PRTG: variants seen among roughly 807,000 people sequenced by gnomAD.
PRTG encodes protogenin, also known as immunoglobulin superfamily, DCC subclass, member 5.
A neutral mutation model predicts 122.5 loss-of-function variants in PRTG; 67 were observed. The ratio of observed to expected loss-of-function variants is 0.55; its 90% confidence interval spans 0.45 to 0.67. The LOEUF is 0.67. Among genes scored for constraint, PRTG ranks in the 30% least tolerant of loss-of-function variants. PRTG has a pLI of 0.00. For missense variants in PRTG, 1,435 were observed against 1,415.4 expected (o/e 1.01, Z -0.22); for synonymous variants, 554 against 501.1 (o/e 1.11, Z -1.41).
At chr15:55,630,118 C>T (rs57488285) in intron 15 of PRTG, among the ~76,000 whole-genome samples, 1 of 151,922 alleles carries the variant, frequency 6.6e-6, no homozygotes, top group Non-Finnish European at 1.5e-5. Flanking sequence ...TCCTGAGTAG[C>T]TGGGACTATA....
intron 2 of PRTG, among the ~76,000 whole-genome samples, chr15:55,691,623 G>GT (rs925956835): frequency 6.6e-6 from 1 of 151,482 alleles, no homozygotes; most frequent in Non-Finnish European, 1.5e-5. Flanking sequence ...GGAGGTTGCA[G>GT]TGAGCCGAGA....
At chr15:55,644,905 T>C (rs1465060115) in intron 11 of PRTG, among the ~76,000 whole-genome samples, 1 of 152,124 alleles carries the variant, frequency 6.6e-6, no homozygotes, top group Non-Finnish European at 1.5e-5. Flanking sequence ...AGTGAACTAC[T>C]CTTTATGTTG....
rs571904547 is a variant in PRTG at position 55,612,929 on chromosome 15, T to C, written c.*7083A>G. ...GTACGGGAGATGCAAACATTTTTCATTTCAACAAAGGCAAAATATAATTGC... is the reference window on the plus strand; with the variant it reads ...GTACGGGAGATGCAAACATTTTTCACTTCAACAAAGGCAAAATATAATTGC... On this transcript the variant is annotated 3_prime_UTR_variant, in exon 20 of 20. Coordinates refer to ENST00000389286, the MANE Select transcript of PRTG (RefSeq NM_173814.6). 1.3e-5 allele frequency: 2 copies of C among 151,930 alleles called. No individual in the cohort carries two copies. Among genetic ancestry groups the C allele is most frequent in the South Asian group, 2.1e-4 (1 of 4,808 alleles). 9.4% of individuals were successfully genotyped at this position (151,930 alleles called of 1,614,324 possible). A position where few individuals can be genotyped will look rare whatever the true frequency, so the allele number is the denominator to read the frequency against.
At chr15:55,695,908 T>C (rs1367809060) in intron 2 of PRTG, among the ~76,000 whole-genome samples, 2 of 150,126 alleles carry the variant, frequency 1.3e-5, no homozygotes, top group Non-Finnish European at 3.0e-5. Context: ...GAGGCAGAGG[T>C]TGCAGTGAGC....
intron 2 of PRTG, among the ~76,000 whole-genome samples, chr15:55,729,297 A>G (rs1391319382): frequency 2.0e-5 from 3 of 152,234 alleles, no homozygotes; most frequent in African/African-American, 7.2e-5. Flanking sequence ...TTTCATTGAT[A>G]TGACATACCA....
At chr15:55,665,696 C>T (rs1274191646) in intron 11 of PRTG, among the ~76,000 whole-genome samples, 1 of 151,884 alleles carries the variant, frequency 6.6e-6, no homozygotes, top group African/African-American at 2.4e-5. Flanking sequence ...CAGGCATGCA[C>T]CACCACCCCC....
intron 2 of PRTG, among the ~76,000 whole-genome samples, chr15:55,687,500 A>C (rs2059576895): frequency 1.3e-5 from 2 of 152,230 alleles, no homozygotes; most frequent in African/African-American, 2.4e-5. Context: ...ATGCCTGGGC[A>C]CCACTGCCTT....
intron 11 of PRTG, among the ~76,000 whole-genome samples, chr15:55,670,899 AC>A (rs1355146283): frequency 1.2e-5 from 1 of 86,848 alleles, no homozygotes; most frequent in East Asian, 3.0e-4. Context: ...AAACTCCGTC[AC>A]AAACACACAC....
At chr15:55,721,546 T>C (rs192337817) in intron 2 of PRTG, among the ~76,000 whole-genome samples, 10 of 152,304 alleles carry the variant, frequency 6.6e-5, no homozygotes, top group African/African-American at 2.4e-4. Flanking sequence ...CTACTATGCT[T>C]TCGACTATTC....
At chr15:55,673,267 T>G (rs2059483065) in intron 10 of PRTG, 104 bp downstream of exon 10, 1 of 899,322 alleles carries the variant, frequency 1.1e-6, no homozygotes, top group Non-Finnish European at 1.6e-6. Flanking sequence ...TGGAATATTT[T>G]TATTTGTAAA....
At chr15:55,629,984 ATT>A (rs1169581862) in intron 15 of PRTG, among the ~76,000 whole-genome samples, 14 of 125,238 alleles carry the variant, frequency 1.1e-4, no homozygotes, top group Admixed American at 1.6e-4. Context: ...CACCAGGTTA[ATT>A]TTTTTTTTTT....
At chr15:55,667,460 T>C (rs1358071469) in intron 11 of PRTG, among the ~76,000 whole-genome samples, 1 of 152,124 alleles carries the variant, frequency 6.6e-6, no homozygotes, top group Non-Finnish European at 1.5e-5. Flanking sequence ...GAGTTGAGTA[T>C]CAATCATATT....
rs2059511247 is a variant in PRTG, at chr15:55,677,823, T to A, written c.1355A>T (p.Tyr452Phe). 2.5e-6 allele frequency: 4 copies of A among 1,613,918 alleles called. No homozygotes were observed. The highest frequency in any genetic ancestry group is 2.5e-6 in the Non-Finnish European group (3 of 1,179,832). Residue 452 changes from tyrosine to phenylalanine, a missense_variant, in exon 8 of 20, where the codon TAT becomes TTT. Tyr to Phe is a conservative substitution (Grantham distance 22). Coordinates refer to ENST00000389286, the MANE Select transcript of PRTG (RefSeq NM_173814.6). ...PLYNSDKVIAYSVHYMKAEGL... is the reference protein window; with the variant it reads ...PLYNSDKVIAFSVHYMKAEGL... ...TTCTGCTTTCATGTAGTGTACAGAA[T>A]AGGCAATGACTTTGTCTGAATTATA...
chr15:55,627,357 G>A lies in PRTG; in HGVS notation c.2807-229C>T, dbSNP rs187477427. Among the ~76,000 whole-genome samples, 113 of 138,274 alleles carry A rather than the reference G, an allele frequency of 8.2e-4. No homozygotes were observed. In the East Asian group the frequency reaches 0.017, roughly 21 times the overall value. 90.7% of individuals were successfully genotyped at this position (138,274 alleles called of 152,430 possible). A position where few individuals can be genotyped will look rare whatever the true frequency, so the allele number is the denominator to read the frequency against. ...TTTTTTTTTTTTGAGACGGAGTCTC[G>A]CTCTGTTGCCCAGGCTAGTGCAGTG... On this transcript the variant is annotated intron_variant, in intron 16 of 19. Transcript: ENST00000389286.
intron 2 of PRTG, among the ~76,000 whole-genome samples, chr15:55,715,210 T>C (rs1417628215): frequency 6.6e-6 from 1 of 152,212 alleles, no homozygotes; most frequent in Non-Finnish European, 1.5e-5. Context: ...GTGCCAAAGC[T>C]TTCTCATTTG....
At chr15:55,706,521 T>G (rs1225218213) in intron 2 of PRTG, among the ~76,000 whole-genome samples, 1 of 137,830 alleles carries the variant, frequency 7.3e-6, no homozygotes, top group Non-Finnish European at 1.5e-5. Context: ...GAGGTGGGAG[T>G]ATCATTCAAG....
intron 18 of PRTG, among the ~76,000 whole-genome samples, chr15:55,621,936 T>C (rs915481846): frequency 2.0e-5 from 3 of 152,166 alleles, no homozygotes; most frequent in Non-Finnish European, 2.9e-5. Context: ...TTTGAAAATT[T>C]TAAAAAGCAG....
chr15:55,637,990 C>T (rs2059267212), intron 14 of PRTG, among the ~76,000 whole-genome samples: 1 of 152,186 alleles, frequency 6.6e-6, no homozygotes, highest in Non-Finnish European at 1.5e-5. Context: ...CCCTTACTTT[C>T]TCTCTGTATA....
rs73421398 is a variant in PRTG at position 55,646,681 on chromosome 15, T to C, written c.2042-5473A>G. 9.5e-3 allele frequency among the ~76,000 whole-genome samples: 1,447 copies of C among 152,292 alleles called. 18 individuals carry two copies. Among genetic ancestry groups the C allele is most frequent in the African/African-American group, 0.034 (1,396 of 41,556 alleles). The stretch of plus-strand genomic sequence containing the variant: ...GGCTCAAATGGGTAATATTTGAATT[T>C]AGGGTTAAACTTGCTTAAAGATTTA... On this transcript the variant is annotated intron_variant, in intron 11 of 19. Transcript: ENST00000389286.
Sources: gnomAD v4.1 joint callset for allele counts (sites outside exome capture counted in the v4.1 genomes callset) on GRCh38, gnomAD v4.1.1 for gene constraint, MANE v1.5 for transcripts, NCBI Gene and HGNC (gene_info 2026-07-23, HGNC 2026-07-21) for gene names.